STXBP5L: variants seen among roughly 807,000 people sequenced by gnomAD.
The protein encoded by STXBP5L is syntaxin-binding protein 5-like.
STXBP5L carries 65 observed loss-of-function variants against 144.5 expected under a neutral mutation model. That is an observed-to-expected ratio of 0.45 (90% confidence interval 0.37 to 0.55). The LOEUF (loss-of-function observed/expected upper bound fraction) is 0.55. Among genes scored for constraint, STXBP5L ranks in the 20% least tolerant of loss-of-function variants. The pLI, the probability that STXBP5L is intolerant of heterozygous loss-of-function variation, is 0.00. For missense variants in STXBP5L, 1,298 were observed against 1,405.5 expected (o/e 0.92, Z 1.22); for synonymous variants, 505 against 469.6 (o/e 1.08, Z -0.97).
At chr3:121,191,768 A>G (rs1013919761) in intron 9 of STXBP5L, among the ~76,000 whole-genome samples, 1 of 152,224 alleles carries the variant, frequency 6.6e-6, no homozygotes, top group Non-Finnish European at 1.5e-5. Flanking sequence ...CTATGCAGCC[A>G]TATAAAAGGA....
chr3:121,266,028 C>T (rs1222853844), intron 18 of STXBP5L, among the ~76,000 whole-genome samples: 2 of 152,108 alleles, frequency 1.3e-5, no homozygotes, highest in Non-Finnish European at 2.9e-5. Flanking sequence ...GGTGGATTCA[C>T]AGCCGAATTC....
chr3:121,226,891 T>C (rs1210494024), intron 11 of STXBP5L, among the ~76,000 whole-genome samples: 1 of 152,176 alleles, frequency 6.6e-6, no homozygotes, highest in Non-Finnish European at 1.5e-5. Context: ...TTAAGGTTCT[T>C]GGGCCTACCA....
At chr3:120,985,887 T>G (rs1172630909) in intron 3 of STXBP5L, among the ~76,000 whole-genome samples, 1 of 151,982 alleles carries the variant, frequency 6.6e-6, no homozygotes, top group African/African-American at 2.4e-5. Context: ...TTTCACTGAT[T>G]TTTTCTATTG....
intron 7 of STXBP5L, among the ~76,000 whole-genome samples, chr3:121,133,680 G>C (rs1344255524): frequency 6.6e-6 from 1 of 152,178 alleles, no homozygotes; most frequent in Non-Finnish European, 1.5e-5. Context: ...TGTTGTATTA[G>C]TCCATTCTCA....
At chr3:121,238,948 G>C in intron 12 of STXBP5L, 23 bp from the exon 13 acceptor site, 2 of 1,531,974 alleles carry the variant, frequency 1.3e-6, no homozygotes, top group Middle Eastern at 3.4e-4. Context: ...AAATAACACT[G>C]ATATATTGTC....
intron 5 of STXBP5L, among the ~76,000 whole-genome samples, chr3:121,112,282 G>A (rs2044024154): frequency 1.3e-5 from 2 of 152,038 alleles, no homozygotes; most frequent in Non-Finnish European, 2.9e-5. Context: ...TGGTCACATA[G>A]GCTCACAAAG....
chr3:121,120,691 T>G (rs1289104831), intron 6 of STXBP5L, among the ~76,000 whole-genome samples: 1 of 151,288 alleles, frequency 6.6e-6, no homozygotes, highest in Non-Finnish European at 1.5e-5. Context: ...TAGAATTAAT[T>G]TGTCACTTTT....
At chr3:121,073,911 A>G (rs928849472) in intron 5 of STXBP5L, among the ~76,000 whole-genome samples, 1 of 152,196 alleles carries the variant, frequency 6.6e-6, no homozygotes, top group African/African-American at 2.4e-5. Context: ...TAAAGCCAAG[A>G]TATCTTGCCC....
chr3:120,909,963 G>C (rs182677251), intron 2 of STXBP5L, among the ~76,000 whole-genome samples, 196 bp downstream of exon 2: 40 of 152,324 alleles, frequency 2.6e-4, no homozygotes, highest in Non-Finnish European at 5.1e-4. Flanking sequence ...GATAGTTTAA[G>C]TGGGAAATGA....
intron 25 of STXBP5L, among the ~76,000 whole-genome samples, chr3:121,417,731 T>C (rs200582976): frequency 1.3e-5 from 2 of 152,204 alleles, no homozygotes; most frequent in African/African-American, 4.8e-5. Flanking sequence ...TCCCAAAGTG[T>C]TGGGATTACA....
Position 121,036,248 on chromosome 3 carries a change from G to A in STXBP5L, c.288-5452G>A, listed in dbSNP as rs181628563. Among the ~76,000 whole-genome samples the A allele has an allele frequency of 3.6e-3, 541 of 152,110 alleles. 3 individuals are homozygous for A. Among genetic ancestry groups the A allele is most frequent in the Non-Finnish European group, 5.4e-3 (369 of 67,996 alleles). ...CTTGGGAAGCTGAGGCAGGAGAATCGCTTGAACCCAGGAGGCAGAGGTTGC... is the reference window on the plus strand; with the variant it reads ...CTTGGGAAGCTGAGGCAGGAGAATCACTTGAACCCAGGAGGCAGAGGTTGC... On this transcript the variant is annotated intron_variant, in intron 3 of 26. Coordinates refer to ENST00000471454, the MANE Select transcript of STXBP5L (RefSeq NM_001308330.2).
chr3:121,056,096 C>T (rs1266071148), intron 5 of STXBP5L, among the ~76,000 whole-genome samples: 1 of 152,076 alleles, frequency 6.6e-6, no homozygotes, highest in East Asian at 1.9e-4. Flanking sequence ...TGAACCTTTG[C>T]ATCTGGTAAG....
intron 8 of STXBP5L, among the ~76,000 whole-genome samples, chr3:121,156,320 G>T (rs1483010724): frequency 6.6e-6 from 1 of 151,936 alleles, no homozygotes; most frequent in Non-Finnish European, 1.5e-5. Context: ...TTAGTTGTAT[G>T]TGTCTGTGTG....
Position 121,249,222 on chromosome 3 carries a change from G to A in STXBP5L, c.1401-1501G>A, listed in dbSNP as rs114244832. 4.6e-3 allele frequency among the ~76,000 whole-genome samples: 693 copies of A among 151,870 alleles called. 5 individuals are homozygous for A. Among genetic ancestry groups the A allele is most frequent in the African/African-American group, 0.016 (643 of 41,390 alleles). ...TAGTGATGAATCTGCACATTGCTTT[G>A]GGCGTATGACCATCAGTTTGTTTAT... On this transcript the variant is annotated intron_variant, in intron 14 of 26. Coordinates refer to ENST00000471454, the MANE Select transcript of STXBP5L (RefSeq NM_001308330.2).
At chr3:121,043,527 G>C (rs1461226979) in intron 4 of STXBP5L, among the ~76,000 whole-genome samples, 1 of 152,032 alleles carries the variant, frequency 6.6e-6, no homozygotes, top group South Asian at 2.1e-4. Flanking sequence ...TGGCCAACAT[G>C]GTGAAACCCC....
At chr3:120,974,312 A>T (rs573506351) in intron 3 of STXBP5L, among the ~76,000 whole-genome samples, 1 of 152,038 alleles carries the variant, frequency 6.6e-6, no homozygotes, top group African/African-American at 2.4e-5. Context: ...GCACTTTTTC[A>T]TGTGTCTTTT....
At chr3:121,054,772 G>T (rs556566510) in intron 5 of STXBP5L, among the ~76,000 whole-genome samples, 2 of 137,672 alleles carry the variant, frequency 1.5e-5, no homozygotes, top group Non-Finnish European at 3.1e-5. Flanking sequence ...TTGTTTTACT[G>T]TTTCTTTTTC....
intron 5 of STXBP5L, among the ~76,000 whole-genome samples, chr3:121,113,962 G>C (rs990329965): frequency 6.6e-6 from 1 of 151,952 alleles, no homozygotes; most frequent in Non-Finnish European, 1.5e-5. Flanking sequence ...ATGAGCCACC[G>C]CGCCTGGCCT....
chr3:121,219,619 A>G (rs1392434519), intron 10 of STXBP5L, among the ~76,000 whole-genome samples: 1 of 152,186 alleles, frequency 6.6e-6, no homozygotes, highest in Non-Finnish European at 1.5e-5. Context: ...ATATTGATTT[A>G]TATACTGACT....
Sources: allele counts gnomAD v4.1 joint callset (sites outside exome capture counted in the v4.1 genomes callset), GRCh38; gene constraint gnomAD v4.1.1; transcripts MANE v1.5; gene names NCBI Gene and HGNC (gene_info 2026-07-23, HGNC 2026-07-21).